Variants in PHTF1 observed in about 807,000 individuals in gnomAD.
The protein encoded by PHTF1 is putative homeodomain transcription factor 1.
In PHTF1, 88 loss-of-function variants were observed where a neutral mutation model predicts 102.4. The ratio of observed to expected loss-of-function variants is 0.86; its 90% CI spans 0.72 to 1.03. The LOEUF (loss-of-function observed/expected upper bound fraction) is 1.03. Among genes scored for constraint, PHTF1 ranks in the 50% least tolerant of loss-of-function variants. The pLI is 0.00. For missense variants in PHTF1, 814 were observed against 909.5 expected (o/e 0.89, Z 1.35); for synonymous variants, 289 against 305.2 (o/e 0.95, Z 0.55).
At chr1:113,752,990 A>G (rs954367820) in intron 3 of PHTF1, among the ~76,000 whole-genome samples, 2 of 152,214 alleles carry the variant, frequency 1.3e-5, no homozygotes, top group African/African-American at 2.4e-5. Context: ...GTTTATTATT[A>G]ATAGGCATTG....
intron 7 of PHTF1, among the ~76,000 whole-genome samples, chr1:113,723,069 C>T (rs1653241892): frequency 6.6e-6 from 1 of 151,932 alleles, no homozygotes; most frequent in Admixed American, 6.6e-5. Context: ...TCAAATTGTA[C>T]TACAGCACTA....
At chr1:113,738,087 C>A (rs777499402) in intron 5 of PHTF1, 23 bp downstream of exon 5, 27 of 1,542,432 alleles carry the variant, frequency 1.8e-5, no homozygotes, top group Middle Eastern at 1.7e-4. Context: ...ACTGTCATTG[C>A]TTATTCCAAT....
chr1:113,737,293 C>T (rs189088223), intron 5 of PHTF1, among the ~76,000 whole-genome samples: 6 of 152,166 alleles, frequency 3.9e-5, no homozygotes, highest in African/African-American at 1.4e-4. Flanking sequence ...ATGTGTGCAG[C>T]GCACACACAC....
Position 113,706,740 on chromosome 1 carries a change from A to C in PHTF1, c.1270-18T>G. On this transcript the variant is annotated intron_variant, in intron 11 of 18. Transcript: ENST00000369604. ...AAATGATTCTGAGAAGAAAAATATA[A>C]AATTGTTTCTATCCATGCCCTCTTG... The C allele has an allele frequency of 6.3e-7, 1 of 1,582,186 alleles. No homozygotes were observed. The highest frequency in any genetic ancestry group is 8.6e-7 in the Non-Finnish European group (1 of 1,163,400).
intron 14 of PHTF1, 145 bp from the exon 15 acceptor site, chr1:113,704,312 G>T: frequency 1.9e-6 from 1 of 531,506 alleles, no homozygotes; most frequent in Non-Finnish European, 3.4e-6. Flanking sequence ...ACATATTTTG[G>T]ACGTCATCAA....
chr1:113,744,259 T>C (rs1656865242), intron 3 of PHTF1, among the ~76,000 whole-genome samples: 1 of 152,150 alleles, frequency 6.6e-6, no homozygotes, highest in South Asian at 2.1e-4. Context: ...TCAGAACCAC[T>C]TGACAAATGA....
At chr1:113,736,296 C>T (rs1357101986) in intron 5 of PHTF1, among the ~76,000 whole-genome samples, 4 of 148,066 alleles carry the variant, frequency 2.7e-5, no homozygotes, top group Admixed American at 6.8e-5. Flanking sequence ...GAGCCAAGAT[C>T]GCGCCACTGC....
intron 15 of PHTF1, 89 bp from the exon 16 acceptor site, chr1:113,701,038 C>T: frequency 2.1e-6 from 2 of 956,416 alleles, no homozygotes; most frequent in Admixed American, 5.1e-5. Flanking sequence ...AAGAACATTT[C>T]CAAAAATCCA....
intron 17 of PHTF1, chr1:113,699,476 T>C (rs934334572): frequency 3.1e-6 from 2 of 644,148 alleles, no homozygotes; most frequent in East Asian, 2.9e-5. Flanking sequence ...ATGGCCCAAC[T>C]TGGTGATGGG....
intron 7 of PHTF1, among the ~76,000 whole-genome samples, chr1:113,716,701 T>A (rs1400700714): frequency 2.6e-5 from 4 of 152,152 alleles, no homozygotes; most frequent in African/African-American, 7.2e-5. Flanking sequence ...CCTACAATAC[T>A]ATACCCAACA....
At chr1:113,755,668 T>G (rs555070847) in intron 3 of PHTF1, among the ~76,000 whole-genome samples, 1 of 152,132 alleles carries the variant, frequency 6.6e-6, no homozygotes, top group East Asian at 1.9e-4. Context: ...ACACACTTCC[T>G]ACCCTTAGGC....
chr1:113,698,345 G>A lies in PHTF1; in HGVS notation c.2185C>T (p.Pro729Ser). Reference protein sequence around the residue: ...PFRLYGLTMNPLIYNITRVVI... With the variant: ...PFRLYGLTMNSLIYNITRVVI... ...ACTCTTGTGATATTGTAGATTAAGG[G>A]ATTCATTGTCAGTCCATAGAGTCTA... Residue 729 changes from proline to serine, a missense_variant, in exon 18 of 19, where the codon CCC becomes TCC. Pro to Ser is a moderately conservative substitution (Grantham distance 74). Coordinates refer to ENST00000369604, the MANE Select transcript of PHTF1 (RefSeq NM_001323043.2). 1 of 1,608,534 alleles carries A rather than the reference G, an allele frequency of 6.2e-7. No homozygotes were observed.
At position 113,710,336 on chromosome 1, in the gene PHTF1, A is replaced by T; in HGVS notation, c.1187T>A (p.Val396Asp). 6.2e-7 allele frequency: 1 copy of T among 1,614,110 alleles called. No homozygotes were observed. Among genetic ancestry groups the T allele is most frequent in the Non-Finnish European group, 8.5e-7 (1 of 1,180,012 alleles). ...ATGGGCCCCCTCACTGTCACTGGTG[A>T]CAGATGACCGGCACTCTGGGCCATG... ...LLHGPECRSS[V>D]TSDSEGAHVN... The change falls in exon 11 of 19, where the codon GTC (valine) becomes GAC (aspartate). Residue 396 changes from valine to aspartate, a missense_variant. Physicochemically the swap from Val to Asp is radical, Grantham distance 152. Coordinates refer to ENST00000369604, the MANE Select transcript of PHTF1 (RefSeq NM_001323043.2).
chr1:113,736,436 T>C (rs1655506300), intron 5 of PHTF1, among the ~76,000 whole-genome samples: 1 of 151,448 alleles, frequency 6.6e-6, no homozygotes, highest in Middle Eastern at 3.6e-3. Context: ...AGCCAGCCAT[T>C]TGAAAAGCCT....
intron 5 of PHTF1, among the ~76,000 whole-genome samples, chr1:113,728,400 T>A (rs892539156): frequency 6.6e-6 from 1 of 152,154 alleles, no homozygotes. Flanking sequence ...CACAATGAGA[T>A]ATCATCTCAC....
At chr1:113,746,658 T>C (rs1030198540) in intron 3 of PHTF1, among the ~76,000 whole-genome samples, 3 of 152,234 alleles carry the variant, frequency 2.0e-5, no homozygotes, top group Admixed American at 6.5e-5. Flanking sequence ...ATAGCCAATA[T>C]ACGTAAATAC....
At chr1:113,726,123 A>G (rs1653792496) in intron 6 of PHTF1, among the ~76,000 whole-genome samples, 1 of 152,216 alleles carries the variant, frequency 6.6e-6, no homozygotes, top group Non-Finnish European at 1.5e-5. Flanking sequence ...AATTTCAAAG[A>G]GAATGTTTTC....
chr1:113,712,937 G>C (rs528731333), intron 8 of PHTF1, among the ~76,000 whole-genome samples: 2 of 151,946 alleles, frequency 1.3e-5, no homozygotes, highest in African/African-American at 4.8e-5. Context: ...GACTACAGGC[G>C]CCCGCCAACA....
At position 113,738,218 on chromosome 1, in the gene PHTF1, G is replaced by GA. The variant is rs1655822123; in HGVS notation, c.222dup (p.Arg75SerfsTer53). Reference sequence around the variant, plus strand: ...AATACAACTCGAACAAGCCCCTTCCGAGTCAGAGATGTCCATGGAATTTCA... The same window carrying GA: ...AATACAACTCGAACAAGCCCCTTCCGAAGTCAGAGATGTCCATGGAATTTCA... On this transcript the variant is annotated frameshift_variant, in exon 5 of 19. Transcript: ENST00000369604. LOFTEE classifies it high-confidence loss of function. The GA allele has an allele frequency of 1.2e-5, 19 of 1,613,744 alleles. No homozygotes were observed. The highest frequency in any genetic ancestry group is 1.4e-5 in the Non-Finnish European group (17 of 1,179,698).
Sources: allele counts gnomAD v4.1 joint callset (sites outside exome capture counted in the v4.1 genomes callset), GRCh38; gene constraint gnomAD v4.1.1; transcripts MANE v1.5; gene names NCBI Gene and HGNC (gene_info 2026-07-23, HGNC 2026-07-21).